Variants in AIM2 observed in about 807,000 individuals in gnomAD.
AIM2 encodes the protein interferon-inducible protein AIM2.
In AIM2, 30 loss-of-function variants were observed where a neutral mutation model predicts 27.7. The observed-to-expected ratio is 1.08, with a 90% CI of 0.81 to 1.47. The LOEUF is 1.47. Among genes scored for constraint, AIM2 ranks in the 40% most tolerant of loss-of-function variants. The probability of loss-of-function intolerance (pLI) is 0.00; values close to 1 mark genes in which losing one functional copy is unlikely to be tolerated. For synonymous variants in AIM2, 141 were observed against 145.3 expected (o/e 0.97, Z 0.21); for missense variants, 358 against 411.3 (o/e 0.87, Z 1.12).
At chr1:159,140,412 C>CA (rs1648088776) in intron 1 of AIM2, 1 of 152,272 alleles carries the variant, frequency 6.6e-6, no homozygotes, top group African/African-American at 2.4e-5. Context: ...CTCCTATCTA[C>CA]ACTGTCAATT....
intron 1 of AIM2, among the ~76,000 whole-genome samples, chr1:159,091,880 C>T (rs1194256463): frequency 6.6e-6 from 1 of 152,158 alleles, no homozygotes; most frequent in Non-Finnish European, 1.5e-5. Context: ...ATGAAAGGGG[C>T]CTCAAGGATA....
intron 1 of AIM2, among the ~76,000 whole-genome samples, chr1:159,104,601 T>C (rs1339101386): frequency 6.6e-6 from 1 of 152,208 alleles, no homozygotes; most frequent in Admixed American, 6.5e-5. Flanking sequence ...ATGTGAAGTG[T>C]CTTATGAGTG....
At chr1:159,092,648 TCAGA>T (rs1429870490) in intron 1 of AIM2, among the ~76,000 whole-genome samples, 3 of 152,140 alleles carry the variant, frequency 2.0e-5, no homozygotes, top group Admixed American at 6.5e-5. Context: ...GTACCTACGT[TCAGA>T]CAGAGAAACC....
At chr1:159,108,000 T>C (rs982288245) in intron 1 of AIM2, among the ~76,000 whole-genome samples, 8 of 152,172 alleles carry the variant, frequency 5.3e-5, no homozygotes, top group Non-Finnish European at 8.8e-5. Flanking sequence ...ACCAATTCTA[T>C]TGACACTATT....
At chr1:159,128,364 T>C (rs1200293368) in intron 1 of AIM2, among the ~76,000 whole-genome samples, 1 of 152,140 alleles carries the variant, frequency 6.6e-6, no homozygotes, top group Non-Finnish European at 1.5e-5. Flanking sequence ...CCGTCCTCTC[T>C]TTCCTTTGAG....
At chr1:159,146,314 C>G (rs1290845916) in intron 1 of AIM2, among the ~76,000 whole-genome samples, 1 of 152,034 alleles carries the variant, frequency 6.6e-6, no homozygotes, top group East Asian at 1.9e-4. Context: ...TGCTAACTTT[C>G]TAGCTCACTC....
intron 1 of AIM2, among the ~76,000 whole-genome samples, chr1:159,093,800 A>G (rs1024194427): frequency 2.0e-5 from 3 of 151,564 alleles, no homozygotes; most frequent in African/African-American, 7.3e-5. Context: ...CAGTGGCACA[A>G]TCTCGGCTCA....
At chr1:159,089,390 C>G (rs1397993713) in intron 1 of AIM2, among the ~76,000 whole-genome samples, 1 of 152,104 alleles carries the variant, frequency 6.6e-6, no homozygotes, top group Non-Finnish European at 1.5e-5. Flanking sequence ...AACACTGCCT[C>G]CTGGTGGCAA....
At chr1:159,065,173 T>C (rs1205351237) in intron 4 of AIM2, among the ~76,000 whole-genome samples, 1 of 152,172 alleles carries the variant, frequency 6.6e-6, no homozygotes, top group Admixed American at 6.5e-5. Flanking sequence ...GGTCCTGCCC[T>C]AGACCAGAAA....
At chr1:159,091,589 T>C (rs1374398359) in intron 1 of AIM2, among the ~76,000 whole-genome samples, 1 of 152,244 alleles carries the variant, frequency 6.6e-6, no homozygotes, top group Admixed American at 6.5e-5. Flanking sequence ...CGTTACATTA[T>C]CCTGATCATC....
intron 1 of AIM2, among the ~76,000 whole-genome samples, chr1:159,137,192 G>T (rs1258966726): frequency 6.6e-6 from 1 of 152,204 alleles, no homozygotes; most frequent in African/African-American, 2.4e-5. Flanking sequence ...TTGCCCCTCA[G>T]AAGTGGTTTG....
At chr1:159,078,588 TGG>T (rs1656694228), upstream of AIM2, among the ~76,000 whole-genome samples, 2 of 152,144 alleles carry the variant, frequency 1.3e-5, no homozygotes, top group Admixed American at 6.5e-5. Flanking sequence ...AGCTGGGAAG[TGG>T]TCTCAATGAG....
At chr1:159,074,498 T>C (rs1656510486) in intron 1 of AIM2, among the ~76,000 whole-genome samples, 1 of 152,148 alleles carries the variant, frequency 6.6e-6, no homozygotes, top group Admixed American at 6.5e-5. Context: ...TATGAGTGAG[T>C]CTATTTCTGG....
At chr1:159,137,336 T>C (rs1260243970) in intron 1 of AIM2, among the ~76,000 whole-genome samples, 2 of 152,146 alleles carry the variant, frequency 1.3e-5, no homozygotes, top group African/African-American at 4.8e-5. Flanking sequence ...TGACCCATGA[T>C]GTATACTCCT....
rs547908630 is a variant in AIM2, at chr1:159,084,095, A to G, written c.-15-17766T>C. On this transcript the variant is annotated intron_variant, in intron 1 of 2. Coordinates refer to the AIM2 transcript ENST00000368129. Reference sequence around the variant, plus strand: ...AATTGAAACCCATAAGTGAGGGAACAGAGTTTAAAGAAGTTAAGTCATTTG... The same window carrying G: ...AATTGAAACCCATAAGTGAGGGAACGGAGTTTAAAGAAGTTAAGTCATTTG... Among the ~76,000 whole-genome samples the G allele has an allele frequency of 2.6e-5, 4 of 152,360 alleles. No homozygotes were observed. The East Asian group carries it at 7.7e-4, about 29-fold the overall frequency.
upstream of AIM2, chr1:159,081,537 CA>C: frequency 1.9e-6 from 1 of 517,734 alleles, no homozygotes; most frequent in Non-Finnish European, 4.0e-6. Context: ...CTGCAGAAGT[CA>C]AAATCCAGAG....
At chr1:159,068,723 T>A in intron 2 of AIM2, 22 bp from the exon 3 acceptor site, 3 of 1,612,154 alleles carry the variant, frequency 1.9e-6, no homozygotes, top group Non-Finnish European at 2.5e-6. Context: ...ATGAAAGACA[T>A]GGCCAATAAG....
intron 1 of AIM2, among the ~76,000 whole-genome samples, chr1:159,103,097 C>G (rs1657350731): frequency 6.6e-6 from 1 of 152,128 alleles, no homozygotes; most frequent in African/African-American, 2.4e-5. Context: ...GTAATTGGAT[C>G]ATGGGAGTTG....
chr1:159,097,530 T>C (rs999955578), intron 1 of AIM2, among the ~76,000 whole-genome samples: 3 of 152,144 alleles, frequency 2.0e-5, no homozygotes, highest in African/African-American at 4.8e-5. Flanking sequence ...TAGTACAAGA[T>C]AGTACAAGTA....
Sources: allele counts gnomAD v4.1 joint callset (sites outside exome capture counted in the v4.1 genomes callset), GRCh38; gene constraint gnomAD v4.1.1; transcripts MANE v1.5; gene names NCBI Gene and HGNC (gene_info 2026-07-23, HGNC 2026-07-21).